CSMD1: variants seen among roughly 807,000 people sequenced by gnomAD.
The protein encoded by CSMD1 is CUB and sushi domain-containing protein 1.
Under a neutral mutation model 417.5 loss-of-function variants are expected in CSMD1, and 213 were observed. That is an observed-to-expected ratio of 0.51 (90% CI 0.46 to 0.57). The LOEUF (loss-of-function observed/expected upper bound fraction) is 0.57, where lower values mean the gene tolerates loss of function less well. CSMD1 is among the 20% of genes least tolerant of loss of function. The probability of loss-of-function intolerance (pLI) is 0.00; values close to 1 mark genes in which losing one functional copy is unlikely to be tolerated. For synonymous variants in CSMD1, 2,862 were observed against 1,736.8 expected, an observed-to-expected ratio of 1.65 and a Z score of -16.11; for missense variants, 6,923 against 4,529.7, an observed-to-expected ratio of 1.53 and a Z score of -15.17.
At chr8:4,387,661 A>C (rs941590031) in intron 3 of CSMD1, among the ~76,000 whole-genome samples, 1 of 151,576 alleles carries the variant, frequency 6.6e-6, no homozygotes, top group African/African-American at 2.4e-5. Context: ...AAAATGAAAA[A>C]CTACATCAAT....
intron 3 of CSMD1, among the ~76,000 whole-genome samples, chr8:4,073,076 C>G (rs1008725601): frequency 1.3e-5 from 2 of 152,120 alleles, no homozygotes; most frequent in African/African-American, 2.4e-5. Flanking sequence ...CTGGTTTTCT[C>G]TTTATGATCC....
intron 5 of CSMD1, among the ~76,000 whole-genome samples, chr8:3,830,952 C>G (rs1034718848): frequency 2.0e-5 from 3 of 152,110 alleles, no homozygotes; most frequent in African/African-American, 7.2e-5. Flanking sequence ...TTCTGAGGGA[C>G]AGTTCACCTA....
intron 1 of CSMD1, among the ~76,000 whole-genome samples, chr8:4,775,192 A>T (rs1183257957): frequency 6.6e-6 from 1 of 152,162 alleles, no homozygotes; most frequent in Admixed American, 6.5e-5. Context: ...CTAGAATTTG[A>T]TTATTTTTTT....
chr8:3,478,309 A>C (rs1391325488), intron 11 of CSMD1, among the ~76,000 whole-genome samples: 1 of 152,238 alleles, frequency 6.6e-6, no homozygotes, highest in African/African-American at 2.4e-5. Context: ...TTGCAGATCT[A>C]AGGGGAAAAT....
chr8:4,236,188 A>G (rs1802048342), intron 3 of CSMD1, among the ~76,000 whole-genome samples: 1 of 152,030 alleles, frequency 6.6e-6, no homozygotes, highest in Non-Finnish European at 1.5e-5. Context: ...CACGGACAAC[A>G]CATGATGTAC....
intron 52 of CSMD1, among the ~76,000 whole-genome samples, chr8:3,012,050 C>T (rs1808429651): frequency 6.6e-6 from 1 of 152,174 alleles, no homozygotes; most frequent in African/African-American, 2.4e-5. Context: ...AGAGCAGGTC[C>T]TTGGCAATTT....
chr8:3,227,832 A>C (rs1233840843), intron 27 of CSMD1, among the ~76,000 whole-genome samples: 2 of 150,382 alleles, frequency 1.3e-5, no homozygotes, highest in African/African-American at 4.9e-5. Context: ...CAGTGGTGCG[A>C]TCTTGGCTCA....
Position 3,170,050 on chromosome 8 carries a change from C to T in CSMD1, c.5726-7773G>A, listed in dbSNP as rs546209566. On this transcript the variant is annotated intron_variant, in intron 37 of 69. Transcript: ENST00000635120. ...GGGGAAAGGACACAAGTGCAGGAGTCGCGTTAGGCATAAAAGCTTCTACTC... is the reference window on the plus strand; with the variant it reads ...GGGGAAAGGACACAAGTGCAGGAGTTGCGTTAGGCATAAAAGCTTCTACTC... Among the ~76,000 whole-genome samples, 86 of 152,340 alleles carry T rather than the reference C, an allele frequency of 5.6e-4. 2 individuals carry two copies. The highest frequency in any genetic ancestry group is 3.5e-3 in the South Asian group (17 of 4,822).
intron 2 of CSMD1, among the ~76,000 whole-genome samples, chr8:4,477,977 T>A (rs1032534024): frequency 6.6e-6 from 1 of 152,216 alleles, no homozygotes; most frequent in African/African-American, 2.4e-5. Flanking sequence ...TCCATTTCTA[T>A]CCATGCAGAA....
In CSMD1 at chr8:4,330,504, C is replaced by T. The variant is rs181173828; in HGVS notation, c.415+89449G>A. ...ACTTAGGAGGCTGAGACAGGAGGAT[C>T]ACTTGAACCGAGGAGGCAGAGGTTA... is the stretch of plus-strand genomic sequence containing the variant. On this transcript the variant is annotated intron_variant, in intron 3 of 69. Coordinates refer to ENST00000635120, the MANE Select transcript of CSMD1 (RefSeq NM_033225.6). Among the ~76,000 whole-genome samples the T allele has an allele frequency of 1.2e-3, 184 of 151,328 alleles. 1 individual carries two copies. Among genetic ancestry groups the T allele is most frequent in the Non-Finnish European group, 1.9e-3 (132 of 67,902 alleles).
chr8:4,021,794 G>C (rs1436064730), intron 4 of CSMD1, among the ~76,000 whole-genome samples: 1 of 152,068 alleles, frequency 6.6e-6, no homozygotes, highest in African/African-American at 2.4e-5. Context: ...AAGCCATTTA[G>C]TGATAAAACT....
chr8:3,387,778 T>C (rs1811102457), intron 17 of CSMD1, 96 bp from the exon 18 acceptor site: 1 of 979,314 alleles, frequency 1.0e-6, no homozygotes, highest in South Asian at 1.7e-5. Flanking sequence ...GTCTCAGAAA[T>C]AATAAGACCT....
chr8:3,087,838 C>T (rs1563325318), intron 48 of CSMD1, among the ~76,000 whole-genome samples: 1 of 152,160 alleles, frequency 6.6e-6, no homozygotes, highest in Admixed American at 6.5e-5. Flanking sequence ...CATCTGTCAC[C>T]AGGATAAAAG....
chr8:4,415,682 G>A (rs1160761459), intron 3 of CSMD1, among the ~76,000 whole-genome samples: 1 of 152,298 alleles, frequency 6.6e-6, no homozygotes, highest in East Asian at 1.9e-4. Context: ...CTCTGGTAGA[G>A]GCCCCGTGAA....
chr8:3,810,666 G>C (rs1019385163), intron 5 of CSMD1, among the ~76,000 whole-genome samples: 9 of 152,170 alleles, frequency 5.9e-5, no homozygotes, highest in Admixed American at 3.9e-4. Flanking sequence ...TGAGAAAGTA[G>C]CTTTTCTGGG....
At chr8:4,332,296 G>T (rs1477750062) in intron 3 of CSMD1, among the ~76,000 whole-genome samples, 1 of 152,038 alleles carries the variant, frequency 6.6e-6, no homozygotes. Flanking sequence ...AGCCTCTCTT[G>T]GAGATGCTCT....
chr8:3,545,618 C>T (rs1477361396), intron 10 of CSMD1, among the ~76,000 whole-genome samples: 2 of 152,180 alleles, frequency 1.3e-5, no homozygotes, highest in Non-Finnish European at 2.9e-5. Context: ...TGCCGTAACC[C>T]AAGTTGAGCA....
chr8:3,405,248 A>T (rs1009215619), intron 15 of CSMD1, among the ~76,000 whole-genome samples: 7 of 152,322 alleles, frequency 4.6e-5, no homozygotes, highest in Middle Eastern at 3.4e-3. Flanking sequence ...TTTTTTAAAA[A>T]TATTTTCTTA....
At chr8:4,016,540 G>C (rs942835903) in intron 4 of CSMD1, among the ~76,000 whole-genome samples, 1 of 152,104 alleles carries the variant, frequency 6.6e-6, no homozygotes, top group East Asian at 1.9e-4. Flanking sequence ...GCTATGAGAA[G>C]GAAAGAGGAG....
Sources: allele counts gnomAD v4.1 joint callset (sites outside exome capture counted in the v4.1 genomes callset), GRCh38; gene constraint gnomAD v4.1.1; transcripts MANE v1.5; gene names NCBI Gene and HGNC (gene_info 2026-07-23, HGNC 2026-07-21).